The following WDFY2 variants were observed in gnomAD, a reference collection of about 807,000 sequenced individuals.
WDFY2 encodes the protein WD repeat and FYVE domain containing 2.
Under a neutral mutation model 56.4 loss-of-function variants are expected in WDFY2, and 36 were observed. The observed-to-expected ratio is 0.64, with a 90% CI of 0.49 to 0.84. WDFY2 has a LOEUF of 0.84. WDFY2 is among the 40% of genes least tolerant of loss of function. WDFY2 has a pLI of 0.00. For missense variants in WDFY2, 444 were observed against 512.2 expected (o/e 0.87, Z 1.29); for synonymous variants, 176 against 183.7 (o/e 0.96, Z 0.34).
chr13:51,719,965 T>C lies in WDFY2; in HGVS notation c.485+617T>C, dbSNP rs1952450696. Among the ~76,000 whole-genome samples, 3 of 152,198 alleles carry C rather than the reference T, an allele frequency of 2.0e-5. No homozygotes were observed. The South Asian group carries it at 6.2e-4, about 32-fold the overall frequency. On this transcript the variant is annotated intron_variant, in intron 5 of 11. Transcript: ENST00000298125. ...GTGAATCCTTGCTGATGCTGGGTAA[T>C]GCTCACAGCTGCCCGACTAGGCTCC...
At chr13:51,654,555 T>A (rs1439921268) in intron 1 of WDFY2, among the ~76,000 whole-genome samples, 1 of 151,728 alleles carries the variant, frequency 6.6e-6, no homozygotes, top group African/African-American at 2.4e-5. Context: ...CACCCAGACT[T>A]TTTTTCCCCC....
chr13:51,703,570 T>C, intron 3 of WDFY2, 26 bp from the exon 4 acceptor site: 1 of 1,528,470 alleles, frequency 6.5e-7, no homozygotes, highest in Non-Finnish European at 8.9e-7. Flanking sequence ...TTTATTTTTG[T>C]TTAATAGTTT....
chr13:51,679,659 A>T (rs1484481290), intron 3 of WDFY2, among the ~76,000 whole-genome samples: 1 of 152,134 alleles, frequency 6.6e-6, no homozygotes, highest in East Asian at 1.9e-4. Context: ...GTTATGTAGT[A>T]AGTTAGTTTC....
At chr13:51,706,338 C>G (rs1285978947) in intron 4 of WDFY2, among the ~76,000 whole-genome samples, 1 of 152,140 alleles carries the variant, frequency 6.6e-6, no homozygotes, top group African/African-American at 2.4e-5. Flanking sequence ...GTCATTGCAG[C>G]TGTCTTGGGG....
chr13:51,654,387 C>G (rs113780214), intron 1 of WDFY2, among the ~76,000 whole-genome samples: 2 of 152,176 alleles, frequency 1.3e-5, no homozygotes, highest in Non-Finnish European at 2.9e-5. Flanking sequence ...TCAGCTCACA[C>G]TCGGTGTGCT....
chr13:51,753,912 C>T (rs1199958293), intron 8 of WDFY2, among the ~76,000 whole-genome samples: 1 of 151,290 alleles, frequency 6.6e-6, no homozygotes, highest in Non-Finnish European at 1.5e-5. Context: ...TGGCGAAACC[C>T]TGTCTCTACT....
At chr13:51,607,273 CAT>C (rs1954400794) in intron 1 of WDFY2, among the ~76,000 whole-genome samples, 1 of 152,186 alleles carries the variant, frequency 6.6e-6, no homozygotes, top group African/African-American at 2.4e-5. Flanking sequence ...CTGGCATGGC[CAT>C]AGTCTCCTTC....
chr13:51,631,411 T>C (rs1289701369), intron 1 of WDFY2, among the ~76,000 whole-genome samples: 2 of 151,438 alleles, frequency 1.3e-5, no homozygotes, highest in Non-Finnish European at 2.9e-5. Flanking sequence ...AAAAAAAAAT[T>C]TAAAAAGAAG....
chr13:51,661,953 CTGTTTTTT>C (rs892521336), intron 2 of WDFY2, among the ~76,000 whole-genome samples: 4 of 151,444 alleles, frequency 2.6e-5, no homozygotes, highest in Non-Finnish European at 4.4e-5. Context: ...TTTTTTTTTC[CTGTTTTTT>C]TGTTTATTTG....
chr13:51,760,175 T>C lies in WDFY2; in HGVS notation c.*406T>C, dbSNP rs1402252092. ...TATACTTTCTGTGTTTACTTCAACATGTGTCACGTGGCCAGCGGCTTTTTC... is the reference window on the plus strand; with the variant it reads ...TATACTTTCTGTGTTTACTTCAACACGTGTCACGTGGCCAGCGGCTTTTTC... On this transcript the variant is annotated 3_prime_UTR_variant, in exon 12 of 12. Coordinates refer to ENST00000298125, the MANE Select transcript of WDFY2 (RefSeq NM_052950.4). 1 of 159,714 alleles carries C rather than the reference T, an allele frequency of 6.3e-6. No individual in the cohort carries two copies. Among genetic ancestry groups the C allele is most frequent in the African/African-American group, 2.4e-5 (1 of 41,694 alleles). 9.9% of individuals were successfully genotyped at this position (159,714 alleles called of 1,614,324 possible).
At chr13:51,712,044 A>C (rs936115391) in intron 4 of WDFY2, among the ~76,000 whole-genome samples, 2 of 152,240 alleles carry the variant, frequency 1.3e-5, no homozygotes, top group Admixed American at 1.3e-4. Context: ...TTTGGAACCA[A>C]CCCAAATGTC....
At chr13:51,699,091 G>C (rs944028317) in intron 3 of WDFY2, among the ~76,000 whole-genome samples, 1 of 152,202 alleles carries the variant, frequency 6.6e-6, no homozygotes, top group Admixed American at 6.5e-5. Context: ...CCAAAGCCCA[G>C]AGGATCTGGT....
intron 2 of WDFY2, among the ~76,000 whole-genome samples, chr13:51,670,033 G>T (rs1025271111): frequency 1.3e-5 from 2 of 152,120 alleles, no homozygotes; most frequent in Non-Finnish European, 2.9e-5. Context: ...TTAAGGTGGG[G>T]GAATAGACCA....
chr13:51,654,904 A>T (rs534837868), intron 1 of WDFY2, among the ~76,000 whole-genome samples: 43 of 152,302 alleles, frequency 2.8e-4, no homozygotes, highest in African/African-American at 9.9e-4. Context: ...AAGTTGGTAT[A>T]AGGAGGGTAG....
chr13:51,689,649 A>C, intron 3 of WDFY2, among the ~76,000 whole-genome samples: 1 of 152,196 alleles, frequency 6.6e-6, no homozygotes, highest in East Asian at 1.9e-4. Context: ...ACATGTGGTC[A>C]GAAAAGATTA....
Position 51,703,597 on chromosome 13 carries a change from A to AG in WDFY2, c.282dup (p.Phe95ValfsTer8), listed in dbSNP as rs1226678805. 2.5e-6 allele frequency: 4 copies of AG among 1,601,446 alleles called. No homozygotes were observed. On this transcript the variant is annotated frameshift_variant and splice_region_variant, in exon 4 of 12. Coordinates refer to ENST00000298125, the MANE Select transcript of WDFY2 (RefSeq NM_052950.4). LOFTEE classifies it high-confidence loss of function. Reference sequence around the variant, plus strand: ...TAATAGTTTTCTTTTCTTTTACAGGAGTTTATATTGTCAGAAGATTATAAC... The same window carrying AG: ...TAATAGTTTTCTTTTCTTTTACAGGAGGTTTATATTGTCAGAAGATTATAAC...
intron 1 of WDFY2, among the ~76,000 whole-genome samples, chr13:51,611,561 G>A (rs140419684): frequency 6.6e-6 from 1 of 152,154 alleles, no homozygotes; most frequent in African/African-American, 2.4e-5. Context: ...GTGAAGTAAG[G>A]GGTTCACAAC....
chr13:51,743,228 T>C (rs1953015152), intron 7 of WDFY2, among the ~76,000 whole-genome samples: 1 of 152,208 alleles, frequency 6.6e-6, no homozygotes, highest in Non-Finnish European at 1.5e-5. Context: ...TATGAGAGTT[T>C]TCATAGAAGG....
chr13:51,699,376 C>G (rs1186301542), intron 3 of WDFY2, among the ~76,000 whole-genome samples: 5 of 152,212 alleles, frequency 3.3e-5, no homozygotes, highest in Admixed American at 3.3e-4. Flanking sequence ...AGCTGGGCAT[C>G]TTGTGAAACT....
Sources: gnomAD v4.1 joint callset for allele counts (sites outside exome capture counted in the v4.1 genomes callset) on GRCh38, gnomAD v4.1.1 for gene constraint, MANE v1.5 for transcripts, NCBI Gene and HGNC (gene_info 2026-07-23, HGNC 2026-07-21) for gene names.